ABCG2: variants seen among roughly 807,000 people sequenced by gnomAD.
ABCG2 encodes ATP binding cassette subfamily G member 2 (JR blood group).
In ABCG2, 80 loss-of-function variants were observed where a neutral mutation model predicts 73.5. That is an observed-to-expected ratio of 1.09 (90% CI 0.91 to 1.31). The LOEUF (loss-of-function observed/expected upper bound fraction) is 1.31. ABCG2 is among the 50% of genes most tolerant of loss of function. The pLI is 0.00. For missense variants in ABCG2, 796 were observed against 786.2 expected (o/e 1.01, Z -0.15); for synonymous variants, 269 against 282.4 (o/e 0.95, Z 0.48).
At chr4:88,187,832 T>C (rs775284006) in intron 1 of ABCG2, among the ~76,000 whole-genome samples, 6 of 152,172 alleles carry the variant, frequency 3.9e-5, no homozygotes, top group Non-Finnish European at 7.4e-5. Context: ...CCCTACCAAA[T>C]GGGGCAGTTT....
chr4:88,124,808 T>C (rs991213157), intron 5 of ABCG2, among the ~76,000 whole-genome samples: 6 of 152,188 alleles, frequency 3.9e-5, no homozygotes, highest in Admixed American at 3.9e-4. Context: ...CAAGTGAACC[T>C]AACAGACACC....
intron 1 of ABCG2, among the ~76,000 whole-genome samples, chr4:88,165,400 C>G (rs550293861): frequency 1.4e-4 from 21 of 152,322 alleles, no homozygotes; most frequent in African/African-American, 5.1e-4. Flanking sequence ...TAGAGGCCAC[C>G]TGCATTCCTT....
At chr4:88,130,881 T>A (rs541801893) in intron 5 of ABCG2, among the ~76,000 whole-genome samples, 180 bp downstream of exon 5, 1 of 152,272 alleles carries the variant, frequency 6.6e-6, no homozygotes, top group Non-Finnish European at 1.5e-5. Flanking sequence ...ATGTGAAGAT[T>A]TTTTTTCCAG....
At chr4:88,150,017 C>T (rs6843542) in intron 1 of ABCG2, among the ~76,000 whole-genome samples, 2,165 of 151,808 alleles carry the variant, frequency 0.014, 45 homozygotes, top group African/African-American at 0.049. Context: ...AAAATTAAAG[C>T]AAAAGAGGAA....
intron 7 of ABCG2, among the ~76,000 whole-genome samples, chr4:88,116,006 C>T (rs1240492193): frequency 6.6e-6 from 1 of 152,112 alleles, no homozygotes; most frequent in Non-Finnish European, 1.5e-5. Context: ...ACCAACCTAG[C>T]CAACATGGCA....
At chr4:88,093,503 CAA>C (rs10533191) in intron 15 of ABCG2, among the ~76,000 whole-genome samples, 54,610 of 105,560 alleles carry the variant, frequency 0.52, 13,315 homozygotes, top group Middle Eastern at 0.59. Flanking sequence ...GACTCCATTT[CAA>C]AAAAAAAAAA....
At chr4:88,112,036 T>C (rs750355176) in intron 9 of ABCG2, among the ~76,000 whole-genome samples, 8 of 151,290 alleles carry the variant, frequency 5.3e-5, no homozygotes, top group East Asian at 1.9e-4. Flanking sequence ...CAGTGAGCTA[T>C]GATTGCACCA....
intron 8 of ABCG2, 90 bp downstream of exon 8, chr4:88,114,867 C>T: frequency 5.0e-6 from 4 of 804,810 alleles, no homozygotes; most frequent in Non-Finnish European, 8.0e-6. Context: ...AACAGAAATT[C>T]ACAAAGCCAC....
chr4:88,100,100 T>C (rs889005882), intron 11 of ABCG2, among the ~76,000 whole-genome samples: 5 of 151,700 alleles, frequency 3.3e-5, no homozygotes, highest in African/African-American at 1.2e-4. Flanking sequence ...ATAATTCCTA[T>C]ATGTGACATG....
intron 1 of ABCG2, among the ~76,000 whole-genome samples, chr4:88,195,468 A>G (rs1234416761): frequency 6.6e-6 from 1 of 152,210 alleles, no homozygotes; most frequent in Admixed American, 6.5e-5. Flanking sequence ...ACGTGGCACC[A>G]AAATATGTTA....
intron 1 of ABCG2, among the ~76,000 whole-genome samples, chr4:88,152,671 T>C (rs997490585): frequency 1.3e-5 from 2 of 152,152 alleles, no homozygotes; most frequent in African/African-American, 4.8e-5. Flanking sequence ...ACCATCTGGA[T>C]GTATATGTGC....
At chr4:88,230,666 A>T (rs892816816) in intron 1 of ABCG2, among the ~76,000 whole-genome samples, 3 of 152,100 alleles carry the variant, frequency 2.0e-5, no homozygotes, top group Non-Finnish European at 2.9e-5. Flanking sequence ...GGTGCTCAAC[A>T]TAAATCATGT....
At chr4:88,207,424 C>T (rs936459972) in intron 1 of ABCG2, among the ~76,000 whole-genome samples, 1 of 152,116 alleles carries the variant, frequency 6.6e-6, no homozygotes, top group Non-Finnish European at 1.5e-5. Flanking sequence ...TAACTGAAAT[C>T]TTAGTGATAT....
chr4:88,096,650 A>G (rs767791477), intron 13 of ABCG2, among the ~76,000 whole-genome samples: 82 of 152,120 alleles, frequency 5.4e-4, no homozygotes, highest in Admixed American at 1.2e-3. Context: ...CCTGTCAAGT[A>G]TGATGTTGAA....
intron 1 of ABCG2, among the ~76,000 whole-genome samples, chr4:88,179,463 A>G (rs1347619126): frequency 6.6e-6 from 1 of 152,206 alleles, no homozygotes; most frequent in East Asian, 1.9e-4. Context: ...ACAGGCCCAG[A>G]CTACAATAAA....
At chr4:88,120,618 A>G (rs1447852892) in intron 6 of ABCG2, among the ~76,000 whole-genome samples, 1 of 152,190 alleles carries the variant, frequency 6.6e-6, no homozygotes, top group African/African-American at 2.4e-5. Flanking sequence ...TGGGACCTGT[A>G]GCCCCTTCGT....
At chr4:88,121,409 C>A (rs1723958577) in intron 6 of ABCG2, among the ~76,000 whole-genome samples, 1 of 152,108 alleles carries the variant, frequency 6.6e-6, no homozygotes, top group Admixed American at 6.6e-5. Flanking sequence ...AAAGAGACAG[C>A]AGCAAAACAG....
chr4:88,144,265 G>A (rs901548596), intron 1 of ABCG2, among the ~76,000 whole-genome samples: 2 of 152,042 alleles, frequency 1.3e-5, no homozygotes, highest in Admixed American at 6.5e-5. Flanking sequence ...GATCCCAGCC[G>A]ATTCATGTTA....
Position 88,097,545 on chromosome 4 carries a change from A to G in ABCG2, c.1555T>C (p.Ser519Pro), listed in dbSNP as rs779373043. 1.9e-6 allele frequency: 3 copies of G among 1,614,100 alleles called. No homozygotes were observed. Among genetic ancestry groups the G allele is most frequent in the Non-Finnish European group, 2.5e-6 (3 of 1,180,014 alleles). The change falls in exon 13 of 16, where the codon TCA (serine) becomes CCA (proline). Residue 519 changes from serine to proline, a missense_variant. Physicochemically the swap from Ser to Pro is moderately conservative, Grantham distance 74 (BLOSUM62 -1). Coordinates refer to ENST00000237612, the MANE Select transcript of ABCG2 (RefSeq NM_004827.3). ...MMFTLMMVAY[S>P]ASSMALAIAA... ...ATGGCCAGTGCCATGGAACTGGCTG[A>G]ATAAGCCACCATCATAAGGGTAAAC... is the stretch of plus-strand genomic sequence containing the variant.
Sources: allele counts gnomAD v4.1 joint callset (sites outside exome capture counted in the v4.1 genomes callset), GRCh38; gene constraint gnomAD v4.1.1; transcripts MANE v1.5; gene names NCBI Gene and HGNC (gene_info 2026-07-23, HGNC 2026-07-21).